Variants in RPN1 observed in about 807,000 individuals in gnomAD.
The protein encoded by RPN1 is dolichyl-diphosphooligosaccharide--protein glycosyltransferase subunit 1.
In RPN1, 12 loss-of-function variants were observed where a neutral mutation model predicts 55.5. That is an observed-to-expected ratio of 0.22 (90% confidence interval 0.14 to 0.35). The LOEUF is 0.35. Among genes scored for constraint, RPN1 ranks in the 10% least tolerant of loss-of-function variants. The probability of loss-of-function intolerance (pLI) is 1.00; values close to 1 mark genes in which losing one functional copy is unlikely to be tolerated. For synonymous variants in RPN1, 317 were observed against 305.9 expected (o/e 1.04, Z -0.38); for missense variants, 679 against 761.3 (o/e 0.89, Z 1.27).
In RPN1 at chr3:128,627,770, C is replaced by CAAAA. The variant is rs71689582; in HGVS notation, c.1037-942_1037-939dup. Among the ~76,000 whole-genome samples, 140 of 71,898 alleles carry CAAAA rather than the reference C, an allele frequency of 1.9e-3. 4 individuals are homozygous for CAAAA. The highest frequency in any genetic ancestry group is 0.011 in the East Asian group (27 of 2,556). The allele number at this position is 71,898 out of a possible 152,430, so 47.2% of individuals were successfully genotyped here. A position where few individuals can be genotyped will look rare whatever the true frequency, so the allele number is the denominator to read the frequency against. ...TGGGAAACAGTGCAAGACTCCATCT[C>CAAAA]AAAAAAAAAAAAAAAAAAGATTAAG... On this transcript the variant is annotated intron_variant, in intron 5 of 9. Coordinates refer to ENST00000296255, the MANE Select transcript of RPN1 (RefSeq NM_002950.4).
intron 1 of RPN1, among the ~76,000 whole-genome samples, chr3:128,645,747 G>T (rs752306400): frequency 2.6e-5 from 4 of 152,112 alleles, no homozygotes; most frequent in Non-Finnish European, 5.9e-5. Context: ...AACCTGGGAG[G>T]CAGAGGTTGC....
intron 6 of RPN1, 49 bp from the exon 7 acceptor site, chr3:128,626,061 A>G (rs371008104): frequency 8.9e-5 from 137 of 1,537,990 alleles, no homozygotes; most frequent in Middle Eastern, 3.5e-4. Flanking sequence ...CTACATCAAT[A>G]AACCAGATTT....
At chr3:128,622,451 T>C (rs560575191) in intron 8 of RPN1, 42 bp from the exon 9 acceptor site, 191 of 1,611,684 alleles carry the variant, frequency 1.2e-4, no homozygotes, top group Non-Finnish European at 1.6e-4. Flanking sequence ...CATCCAGGCT[T>C]GGGTCCACTC....
chr3:128,640,153 C>T (rs937189177), intron 2 of RPN1, among the ~76,000 whole-genome samples: 7 of 151,656 alleles, frequency 4.6e-5, no homozygotes. Flanking sequence ...GCCTGGGTGA[C>T]GGAGCGAGAA....
rs757853471 is a variant in RPN1 at position 128,625,842 on chromosome 3, C to A, written c.1275+32G>T. 3.1e-6 allele frequency: 5 copies of A among 1,593,152 alleles called. No individual in the cohort carries two copies. The East Asian group carries it at 1.1e-4, about 36-fold the overall frequency. On this transcript the variant is annotated intron_variant, in intron 7 of 9. Coordinates refer to ENST00000296255, the MANE Select transcript of RPN1 (RefSeq NM_002950.4). Reference sequence around the variant, plus strand: ...CCCAGAGCCCACTGTCTGGGGAAGACGCCATGGAAGGCAAACAGTGGAGCC... The same window carrying A: ...CCCAGAGCCCACTGTCTGGGGAAGAAGCCATGGAAGGCAAACAGTGGAGCC...
intron 4 of RPN1, among the ~76,000 whole-genome samples, chr3:128,630,633 A>T (rs1209978802): frequency 6.6e-6 from 1 of 151,594 alleles, no homozygotes; most frequent in East Asian, 1.9e-4. Context: ...TACATAAGTA[A>T]AAAAAAAAGT....
intron 5 of RPN1, among the ~76,000 whole-genome samples, chr3:128,627,722 G>A (rs1179620375): frequency 7.4e-6 from 1 of 134,450 alleles, no homozygotes; most frequent in Non-Finnish European, 1.5e-5. Flanking sequence ...AGTAAGCTGA[G>A]ATTGTGCCAC....
rs2069813428 is a variant in RPN1 at position 128,650,780 on chromosome 3, G to A, written c.21C>T (p.Gly7=). The A allele has an allele frequency of 6.5e-7, 1 of 1,537,992 alleles. No individual in the cohort carries two copies. Among genetic ancestry groups the A allele is most frequent in the Non-Finnish European group, 8.8e-7 (1 of 1,139,658 alleles). The change falls in exon 1 of 10, where the codon GGC becomes GGT. Residue 7 remains glycine, a synonymous_variant. Transcript: ENST00000296255. MEAPAA[G]LFLLLLLGTW... is the part of the protein sequence containing the mutation. ...TCCCAAGCAACAGGAGCAGAAACAA[G>A]CCGGCGGCTGGCGCCTCCATGACCG...
intron 7 of RPN1, 27 bp from the exon 8 acceptor site, chr3:128,625,680 A>T: frequency 1.2e-6 from 2 of 1,613,498 alleles, no homozygotes; most frequent in Non-Finnish European, 8.5e-7. Flanking sequence ...GACAGGCTTC[A>T]TCGGGGCTGT....
chr3:128,624,482 G>GA (rs1349550876), intron 8 of RPN1, among the ~76,000 whole-genome samples: 2,276 of 129,092 alleles, frequency 0.018, 56 homozygotes, highest in African/African-American at 0.058. Flanking sequence ...TCCGTCTCAG[G>GA]AAAAAAAAAA....
chr3:128,633,539 T>G (rs778311646), intron 3 of RPN1, among the ~76,000 whole-genome samples: 1 of 152,122 alleles, frequency 6.6e-6, no homozygotes, highest in South Asian at 2.1e-4. Context: ...AATGTTCATA[T>G]CCTTCAATTT....
At chr3:128,630,764 G>T (rs2069635103) in intron 4 of RPN1, among the ~76,000 whole-genome samples, 1 of 152,292 alleles carries the variant, frequency 6.6e-6, no homozygotes, top group East Asian at 1.9e-4. Context: ...GCTGTGTTTG[G>T]GTGGCGCAGT....
chr3:128,635,640 GATATAT>G (rs1162489418), intron 3 of RPN1, among the ~76,000 whole-genome samples: 3,811 of 113,986 alleles, frequency 0.033, 165 homozygotes, highest in African/African-American at 0.1. Flanking sequence ...TATATATATA[GATATAT>G]ATATATATAT....
At chr3:128,626,651 C>T in intron 6 of RPN1, 82 bp downstream of exon 6, 1 of 1,236,782 alleles carries the variant, frequency 8.1e-7, no homozygotes, top group Non-Finnish European at 1.2e-6. Flanking sequence ...GACTGTGCCC[C>T]TAGAACATAG....
intron 5 of RPN1, among the ~76,000 whole-genome samples, chr3:128,627,655 C>T (rs6778569): frequency 0.017 from 2,535 of 150,808 alleles, 70 homozygotes; most frequent in African/African-American, 0.059. Context: ...CCTGTAATCC[C>T]AGCAACTTGG....
intron 5 of RPN1, among the ~76,000 whole-genome samples, chr3:128,629,675 T>C (rs1201174028): frequency 2.0e-5 from 3 of 152,142 alleles, no homozygotes; most frequent in Non-Finnish European, 2.9e-5. Flanking sequence ...TTTAAATAAC[T>C]CAAAAACTAT....
At chr3:128,649,308 C>T (rs2069794962) in intron 1 of RPN1, among the ~76,000 whole-genome samples, 1 of 152,198 alleles carries the variant, frequency 6.6e-6, no homozygotes, top group African/African-American at 2.4e-5. Context: ...CGAGCTCCTG[C>T]TGTGGTCCAC....
At chr3:128,638,872 G>T (rs2069703304) in intron 2 of RPN1, among the ~76,000 whole-genome samples, 1 of 151,988 alleles carries the variant, frequency 6.6e-6, no homozygotes, top group African/African-American at 2.4e-5. Flanking sequence ...AGGTTGAAGT[G>T]GGAGGATCAC....
chr3:128,631,846 C>T, intron 4 of RPN1, 102 bp downstream of exon 4: 1 of 1,308,282 alleles, frequency 7.6e-7, no homozygotes, highest in Non-Finnish European at 1.1e-6. Context: ...TCAGTCAACC[C>T]TAAACAACTG....
Sources: gnomAD v4.1 joint callset for allele counts (sites outside exome capture counted in the v4.1 genomes callset) on GRCh38, gnomAD v4.1.1 for gene constraint, MANE v1.5 for transcripts, NCBI Gene and HGNC (gene_info 2026-07-23, HGNC 2026-07-21) for gene names.